Variants in RIN2 observed in about 807,000 individuals in gnomAD.
RIN2 encodes the protein RAB5 interacting protein 2.
In RIN2, 36 loss-of-function variants were observed where a neutral mutation model predicts 78.0. The ratio of observed to expected loss-of-function variants is 0.46; its 90% CI spans 0.35 to 0.61. The LOEUF is 0.61. Ranked by LOEUF, RIN2 falls within the 20% of genes least tolerant of loss-of-function variation. The pLI, the probability that RIN2 is intolerant of heterozygous loss-of-function variation, is 0.00. For missense variants in RIN2, 1,087 were observed against 1,159.7 expected (o/e 0.94, Z 0.91); for synonymous variants, 466 against 466.8 (o/e 1.00, Z 0.02).
At chr20:19,938,718 G>A (rs369979352) in intron 4 of RIN2, among the ~76,000 whole-genome samples, 7 of 152,194 alleles carry the variant, frequency 4.6e-5, no homozygotes, top group African/African-American at 1.4e-4. Flanking sequence ...TGCCTGACAC[G>A]TGGTAATAGC....
At chr20:19,801,210 T>G (rs2035230683) in intron 2 of RIN2, among the ~76,000 whole-genome samples, 1 of 152,220 alleles carries the variant, frequency 6.6e-6, no homozygotes, top group African/African-American at 2.4e-5. Flanking sequence ...TGAATTTAGA[T>G]CCTGTGGTAT....
At chr20:19,964,584 A>C (rs780540473) in intron 6 of RIN2, among the ~76,000 whole-genome samples, 2 of 152,134 alleles carry the variant, frequency 1.3e-5, no homozygotes, top group Non-Finnish European at 2.9e-5. Context: ...CGAGGGGAGT[A>C]GGGGTCTTGG....
intron 2 of RIN2, among the ~76,000 whole-genome samples, chr20:19,835,948 TC>T (rs1568797688): frequency 6.6e-6 from 1 of 152,172 alleles, no homozygotes; most frequent in Non-Finnish European, 1.5e-5. Flanking sequence ...CACACATTCC[TC>T]TGAGCTCTGG....
intron 2 of RIN2, among the ~76,000 whole-genome samples, chr20:19,848,812 G>T (rs2036866988): frequency 1.3e-5 from 2 of 152,092 alleles, no homozygotes; most frequent in Admixed American, 6.6e-5. Flanking sequence ...GCCTGACATA[G>T]AACACTTTTG....
chr20:19,971,352 G>T (rs1772817685), intron 8 of RIN2, among the ~76,000 whole-genome samples: 1 of 152,086 alleles, frequency 6.6e-6, no homozygotes, highest in African/African-American at 2.4e-5. Flanking sequence ...TCCTTGGTCT[G>T]GCAGCTGGGT....
intron 3 of RIN2, among the ~76,000 whole-genome samples, chr20:19,933,966 G>A (rs1255576673): frequency 3.3e-5 from 5 of 151,968 alleles, no homozygotes; most frequent in East Asian, 1.9e-4. Flanking sequence ...GCACCACCAC[G>A]CCTGGCTAAT....
intron 2 of RIN2, among the ~76,000 whole-genome samples, chr20:19,859,135 A>G (rs915478530): frequency 6.6e-6 from 1 of 152,192 alleles, no homozygotes; most frequent in Non-Finnish European, 1.5e-5. Flanking sequence ...TTGGGACTAC[A>G]TTGATGAATC....
At chr20:19,798,718 T>C (rs1303225959) in intron 1 of RIN2, among the ~76,000 whole-genome samples, 1 of 152,068 alleles carries the variant, frequency 6.6e-6, no homozygotes. Flanking sequence ...TAATTTAAAT[T>C]ATAAAAATGC....
intron 2 of RIN2, among the ~76,000 whole-genome samples, chr20:19,839,083 G>A (rs191923443): frequency 6.6e-5 from 10 of 152,276 alleles, no homozygotes; most frequent in Admixed American, 3.3e-4. Flanking sequence ...CAGAGTCTGC[G>A]CAGCCCCAGT....
intron 2 of RIN2, among the ~76,000 whole-genome samples, chr20:19,854,187 T>G (rs2123215537): frequency 6.6e-6 from 1 of 152,330 alleles, no homozygotes; most frequent in Non-Finnish European, 1.5e-5. Flanking sequence ...ATCAGATGGT[T>G]GTAGATGTGT....
chr20:19,899,875 C>G (rs1406826523), intron 3 of RIN2, among the ~76,000 whole-genome samples: 1 of 152,166 alleles, frequency 6.6e-6, no homozygotes, highest in South Asian at 2.1e-4. Context: ...AGCAATTACT[C>G]AAAGGTGTGA....
intron 5 of RIN2, among the ~76,000 whole-genome samples, chr20:19,959,675 G>C (rs1369666668): frequency 6.6e-6 from 1 of 152,168 alleles, no homozygotes; most frequent in Non-Finnish European, 1.5e-5. Flanking sequence ...GTAGGGGAGA[G>C]AATAGGTAGA....
At chr20:19,895,079 CA>C (rs1353565439) in intron 3 of RIN2, among the ~76,000 whole-genome samples, 2 of 152,130 alleles carry the variant, frequency 1.3e-5, no homozygotes, top group African/African-American at 4.8e-5. Context: ...ATCAGCCTCC[CA>C]ACCACCCTTC....
At chr20:19,786,376 G>A (rs540094330) in intron 1 of RIN2, among the ~76,000 whole-genome samples, 36 of 152,242 alleles carry the variant, frequency 2.4e-4, no homozygotes, top group South Asian at 4.1e-4. Flanking sequence ...ACCCAAACTA[G>A]CCCCGGGCAA....
chr20:19,839,131 G>A (rs1206852646), intron 2 of RIN2, among the ~76,000 whole-genome samples: 1 of 152,180 alleles, frequency 6.6e-6, no homozygotes, highest in African/African-American at 2.4e-5. Flanking sequence ...CATCTGTTAC[G>A]ATCCCCCTGT....
chr20:19,998,282 A>AT (rs35675025), intron 12 of RIN2, among the ~76,000 whole-genome samples: 1,830 of 144,320 alleles, frequency 0.013, 17 homozygotes, highest in African/African-American at 0.026. Context: ...GCGCCTGGCC[A>AT]TTTTTTTTTT....
At chr20:19,849,140 G>A (rs2036877700) in intron 2 of RIN2, among the ~76,000 whole-genome samples, 1 of 151,912 alleles carries the variant, frequency 6.6e-6, no homozygotes, top group Non-Finnish European at 1.5e-5. Context: ...TTAAAGTTGT[G>A]TAGACTTAAA....
Position 19,768,771 on chromosome 20 carries a change from C to G in RIN2, c.-163+10444C>G, listed in dbSNP as rs1278266805. Among the ~76,000 whole-genome samples, 5 of 152,284 alleles carry G rather than the reference C, an allele frequency of 3.3e-5. No homozygotes were observed. In the East Asian group the frequency reaches 9.6e-4, roughly 29 times the overall value. On this transcript the variant is annotated intron_variant, in intron 1 of 12. Transcript: ENST00000255006. ...TGGCCCCTCAGAGGTTATGCTGGCC[C>G]ACCAGAAACCGTCTCTCCTCTATGT...
intron 2 of RIN2, among the ~76,000 whole-genome samples, chr20:19,869,124 G>A (rs6081780): frequency 0.019 from 2,810 of 151,140 alleles, 47 homozygotes; most frequent in Non-Finnish European, 0.028. Flanking sequence ...AGGTGGTGAG[G>A]CATTTTAAAC....
Sources: gnomAD v4.1 joint callset for allele counts (sites outside exome capture counted in the v4.1 genomes callset) on GRCh38, gnomAD v4.1.1 for gene constraint, MANE v1.5 for transcripts, NCBI Gene and HGNC (gene_info 2026-07-23, HGNC 2026-07-21) for gene names.